The following MYO18B variants were observed in gnomAD, a reference collection of about 807,000 sequenced individuals.
MYO18B encodes the protein unconventional myosin-XVIIIb.
A neutral mutation model predicts 273.0 loss-of-function variants in MYO18B; 204 were observed. The observed-to-expected ratio is 0.75, with a 90% CI of 0.67 to 0.84. The LOEUF is 0.84. Ranked by LOEUF, MYO18B falls within the 40% of genes least tolerant of loss-of-function variation. The pLI is 0.00. For missense variants in MYO18B, 3,212 were observed against 3,287.6 expected, an observed-to-expected ratio of 0.98 and a Z score of 0.56; for synonymous variants, 1,330 against 1,305.7, an observed-to-expected ratio of 1.02 and a Z score of -0.40.
chr22:25,823,824 G>A (rs949593646), intron 13 of MYO18B, 146 bp downstream of exon 13: 9 of 856,384 alleles, frequency 1.1e-5, no homozygotes, highest in East Asian at 2.5e-5. Flanking sequence ...GGAAGCCATC[G>A]TGGGTGGAAA....
At chr22:25,869,449 C>CAAAAA (rs58609325) in intron 22 of MYO18B, among the ~76,000 whole-genome samples, 29 of 58,084 alleles carry the variant, frequency 5.0e-4, no homozygotes, top group East Asian at 2.3e-3. Context: ...TACTGTGTCT[C>CAAAAA]AAAAAAAAAA....
intron 12 of MYO18B, among the ~76,000 whole-genome samples, chr22:25,810,256 C>T (rs190348546): frequency 4.0e-3 from 600 of 150,648 alleles, no homozygotes; most frequent in Admixed American, 9.1e-3. Flanking sequence ...CACCACCATG[C>T]CCAGATGTTT....
chr22:25,833,031 A>T, intron 16 of MYO18B, 34 bp downstream of exon 16: 1 of 1,585,856 alleles, frequency 6.3e-7, no homozygotes, highest in African/African-American at 1.3e-5. Flanking sequence ...AGGCTCTCAG[A>T]TGCCAGTTGG....
intron 12 of MYO18B, among the ~76,000 whole-genome samples, chr22:25,816,741 C>A (rs2089029959): frequency 6.6e-6 from 1 of 152,276 alleles, no homozygotes; most frequent in African/African-American, 2.4e-5. Context: ...ACTTTGCCAA[C>A]ATCACGCGGC....
At chr22:25,950,755 A>G (rs2092783804) in intron 37 of MYO18B, among the ~76,000 whole-genome samples, 1 of 151,994 alleles carries the variant, frequency 6.6e-6, no homozygotes, top group Non-Finnish European at 1.5e-5. Flanking sequence ...TTTTTTAAGT[A>G]GAGACGGGGT....
chr22:25,823,396 C>T, intron 12 of MYO18B, 109 bp from the exon 13 acceptor site: 2 of 1,231,364 alleles, frequency 1.6e-6, no homozygotes, highest in Non-Finnish European at 2.2e-6. Context: ...GCTGAGGAGG[C>T]TGGCCTGGAG....
chr22:25,871,644 G>A (rs943068879), intron 22 of MYO18B, among the ~76,000 whole-genome samples: 2 of 152,130 alleles, frequency 1.3e-5, no homozygotes, highest in Non-Finnish European at 2.9e-5. Flanking sequence ...CCCATGAAAA[G>A]CAAATAATTT....
rs1292513753 is a variant in MYO18B at position 25,769,024 on chromosome 22, A to G, written c.1108A>G (p.Arg370Gly). ...GCAGGGCGAGTTGGGGGACGATCTG[A>G]GAATGGGGGAGAAAGCAGGTGAGCT... ...QVQGELGDDL[R>G]MGEKAGELRS... Residue 370 changes from arginine to glycine, a missense_variant, in exon 4 of 44, where the codon AGA (arginine) becomes GGA (glycine). Transcript: ENST00000335473. 6.2e-7 allele frequency: 1 copy of G among 1,611,422 alleles called. No individual in the cohort carries two copies. Among genetic ancestry groups the G allele is most frequent in the Admixed American group, 1.7e-5 (1 of 59,630 alleles).
Position 25,799,232 on chromosome 22 carries a change from C to G in MYO18B, c.2521+1135C>G, listed in dbSNP as rs9620560. Among the ~76,000 whole-genome samples the G allele has an allele frequency of 5.3e-3, 803 of 151,696 alleles. 3 individuals carry two copies. The highest frequency in any genetic ancestry group is 8.8e-3 in the Non-Finnish European group (601 of 67,922). On this transcript the variant is annotated intron_variant, in intron 12 of 43. Coordinates refer to ENST00000335473, the MANE Select transcript of MYO18B (RefSeq NM_032608.7). ...TCCTACCCATTCTCATCATGACCAT[C>G]AGGTTCCTTTCTACAACATAGACCC...
chr22:25,891,492 C>G, intron 27 of MYO18B, 80 bp downstream of exon 27: 3 of 922,272 alleles, frequency 3.3e-6, no homozygotes, highest in Non-Finnish European at 5.1e-6. Context: ...TCATAGAGCA[C>G]TTTTTAGGTG....
At chr22:26,050,360 C>T in the MYO18B span, among the ~76,000 whole-genome samples, 1 of 152,150 alleles carries the variant, frequency 6.6e-6, no homozygotes, top group Non-Finnish European at 1.5e-5. Flanking sequence ...TTGGGAATTT[C>T]GATATACAGA....
Position 25,907,522 on chromosome 22 carries a change from C to T in MYO18B, c.5149-800C>T, listed in dbSNP as rs6004823. On this transcript the variant is annotated intron_variant, in intron 31 of 43. Transcript: ENST00000335473. ...GTGCTTTATATCATCATTTAATTCT[C>T]ATAGTAGCATTCTAAGACGGTTGTT... is the stretch of plus-strand genomic sequence containing the variant. 7.0e-3 allele frequency among the ~76,000 whole-genome samples: 1,069 copies of T among 152,302 alleles called. 9 individuals carry two copies. The highest frequency in any genetic ancestry group is 0.025 in the African/African-American group (1,029 of 41,564).
the MYO18B span, among the ~76,000 whole-genome samples, chr22:26,042,775 T>C: frequency 6.6e-6 from 1 of 152,214 alleles, no homozygotes; most frequent in African/African-American, 2.4e-5. Context: ...GAGTACCTAT[T>C]ATGTGCTAGG....
Position 25,872,211 on chromosome 22 carries a change from C to G in MYO18B, c.3952-2075C>G, listed in dbSNP as rs540095704. Reference sequence around the variant, plus strand: ...TTTCCCATTGAGAAAAGGCATAGTGCAGGATGGTCGGAGATGAGTGGTCTC... The same window carrying G: ...TTTCCCATTGAGAAAAGGCATAGTGGAGGATGGTCGGAGATGAGTGGTCTC... On this transcript the variant is annotated intron_variant, in intron 22 of 43. Transcript: ENST00000335473. Among the ~76,000 whole-genome samples the G allele has an allele frequency of 1.7e-4, 26 of 152,200 alleles. No individual in the cohort carries two copies. In the South Asian group the frequency reaches 5.4e-3, roughly 32 times the overall value.
intron 34 of MYO18B, among the ~76,000 whole-genome samples, chr22:25,931,252 A>AC (rs1281377438): frequency 2.0e-5 from 3 of 152,134 alleles, no homozygotes; most frequent in African/African-American, 7.2e-5. Context: ...AGGCCTGTTC[A>AC]CCCCACAAAT....
At chr22:25,954,762 A>G (rs2092829314) in intron 38 of MYO18B, among the ~76,000 whole-genome samples, 1 of 152,016 alleles carries the variant, frequency 6.6e-6, no homozygotes, top group Admixed American at 6.6e-5. Flanking sequence ...CCCAGGCTGG[A>G]GTGCAGTGGC....
intron 39 of MYO18B, among the ~76,000 whole-genome samples, chr22:25,969,545 A>G (rs1182215091): frequency 6.6e-6 from 1 of 152,228 alleles, no homozygotes. Flanking sequence ...AGAGAGGAGT[A>G]TTTGTGATAA....
At chr22:26,010,971 C>T (rs17636976) in intron 42 of MYO18B, among the ~76,000 whole-genome samples, 3,858 of 151,762 alleles carry the variant, frequency 0.025, 50 homozygotes, top group Middle Eastern at 0.034. Flanking sequence ...GAAACCTCTG[C>T]GTAATGTTAG....
At chr22:25,838,273 A>G (rs1344445274) in intron 17 of MYO18B, among the ~76,000 whole-genome samples, 1 of 152,044 alleles carries the variant, frequency 6.6e-6, no homozygotes, top group African/African-American at 2.4e-5. Flanking sequence ...ATCTCAGCTC[A>G]CTGCAACCTC....
Sources: gnomAD v4.1 joint callset for allele counts (sites outside exome capture counted in the v4.1 genomes callset) on GRCh38, gnomAD v4.1.1 for gene constraint, MANE v1.5 for transcripts, NCBI Gene and HGNC (gene_info 2026-07-23, HGNC 2026-07-21) for gene names.